Variants in PPP1R9A observed in about 807,000 individuals in gnomAD.
PPP1R9A encodes neurabin-1.
In PPP1R9A, 59 loss-of-function variants were observed where a neutral mutation model predicts 141.9. The observed-to-expected ratio is 0.42, with a 90% CI of 0.34 to 0.52. The LOEUF is 0.52. PPP1R9A is among the 20% of genes least tolerant of loss of function. The probability of loss-of-function intolerance (pLI) is 0.10; values close to 1 mark genes in which losing one functional copy is unlikely to be tolerated. For missense variants in PPP1R9A, 1,444 were observed against 1,611.9 expected (o/e 0.90, Z 1.78); for synonymous variants, 500 against 569.7 (o/e 0.88, Z 1.74).
intron 2 of PPP1R9A, among the ~76,000 whole-genome samples, chr7:94,969,581 G>T (rs1798630617): frequency 6.6e-6 from 1 of 152,056 alleles, no homozygotes; most frequent in South Asian, 2.1e-4. Context: ...GGTATCTGTC[G>T]ACCCCTGCTG....
At chr7:95,270,966 C>T (rs1802080672) in intron 14 of PPP1R9A, among the ~76,000 whole-genome samples, 1 of 152,058 alleles carries the variant, frequency 6.6e-6, no homozygotes, top group African/African-American at 2.4e-5. Flanking sequence ...AGAGAGATTG[C>T]GTCCAGCTGA....
intron 2 of PPP1R9A, among the ~76,000 whole-genome samples, chr7:95,072,871 A>G (rs540060813): frequency 1.8e-5 from 2 of 112,992 alleles, no homozygotes; most frequent in Non-Finnish European, 3.4e-5. Flanking sequence ...ATAATATAAT[A>G]TAATATTATA....
At chr7:95,152,540 T>C (rs1034711148) in intron 4 of PPP1R9A, among the ~76,000 whole-genome samples, 1 of 152,190 alleles carries the variant, frequency 6.6e-6, no homozygotes, top group African/African-American at 2.4e-5. Flanking sequence ...CCTCACTATG[T>C]ACGCTCAAGT....
At chr7:94,985,011 C>T (rs1255891888) in intron 2 of PPP1R9A, among the ~76,000 whole-genome samples, 6 of 152,022 alleles carry the variant, frequency 3.9e-5, no homozygotes, top group Non-Finnish European at 8.8e-5. Flanking sequence ...TAAATATGTC[C>T]CAGAAATTCT....
chr7:95,250,275 TAAAGA>T lies in PPP1R9A; in HGVS notation c.2396+22_2396+26del. On this transcript the variant is annotated intron_variant, in intron 10 of 19. Transcript: ENST00000433360. ...ACAAAAGTAAGCCGCTTCTAATAAC[TAAAGA>T]ATAGTTATGTTTGTCTAAAGAAGGT... 6.4e-7 allele frequency: 1 copy of T among 1,570,900 alleles called. No homozygotes were observed. The highest frequency in any genetic ancestry group is 8.7e-7 in the Non-Finnish European group (1 of 1,151,940).
chr7:95,118,985 C>CA (rs11353708), intron 3 of PPP1R9A, among the ~76,000 whole-genome samples: 16,537 of 129,064 alleles, frequency 0.13, 923 homozygotes, highest in East Asian at 0.19. Flanking sequence ...TTGTCTCAAA[C>CA]AAAAAAAAAA....
chr7:95,234,527 G>A (rs1013353180), intron 8 of PPP1R9A, among the ~76,000 whole-genome samples: 2 of 152,142 alleles, frequency 1.3e-5, no homozygotes, highest in African/African-American at 2.4e-5. Context: ...AGAAATCATA[G>A]ACGACACAAA....
chr7:95,272,363 G>A (rs997667433), intron 14 of PPP1R9A, among the ~76,000 whole-genome samples: 1 of 152,122 alleles, frequency 6.6e-6, no homozygotes, highest in Non-Finnish European at 1.5e-5. Context: ...AAATCCATTA[G>A]TAAAATCACC....
Position 95,198,459 on chromosome 7 carries a change from C to G in PPP1R9A, c.1865C>G (p.Ala622Gly). The G allele has an allele frequency of 6.2e-7, 1 of 1,601,362 alleles. No individual in the cohort carries two copies. Among genetic ancestry groups the G allele is most frequent in the Non-Finnish European group, 8.5e-7 (1 of 1,175,972 alleles). Reference sequence around the variant, plus strand: ...AGAGAGCTGCTGGAACAGCACTATGCCCAGTATGATGCCGACGATGACGAG... The same window carrying G: ...AGAGAGCTGCTGGAACAGCACTATGGCCAGTATGATGCCGACGATGACGAG... ...RQRELLEQHY[A>G]QYDADDDENT... The change falls in exon 6 of 20, where the codon GCC becomes GGC. Residue 622 changes from alanine to glycine, a missense_variant. By Grantham distance (60) the Ala-to-Gly change is moderately conservative (BLOSUM62 0). Coordinates refer to ENST00000433360, the MANE Select transcript of PPP1R9A (RefSeq NM_001166160.2).
At chr7:95,074,568 A>T (rs967404911) in intron 2 of PPP1R9A, among the ~76,000 whole-genome samples, 1 of 149,242 alleles carries the variant, frequency 6.7e-6, no homozygotes, top group Non-Finnish European at 1.5e-5. Context: ...TCTGCCTCCC[A>T]GGTTCAAGTG....
chr7:94,981,679 C>G (rs935354820), intron 2 of PPP1R9A, among the ~76,000 whole-genome samples: 10 of 152,122 alleles, frequency 6.6e-5, no homozygotes, highest in African/African-American at 2.4e-4. Flanking sequence ...ATTATACATA[C>G]ATATGTACAT....
chr7:95,186,184 G>A (rs1237674193), intron 5 of PPP1R9A, among the ~76,000 whole-genome samples: 1 of 152,018 alleles, frequency 6.6e-6, no homozygotes, highest in Non-Finnish European at 1.5e-5. Context: ...ATTCATTTGT[G>A]CCATCTATGA....
chr7:94,985,332 A>C (rs529807022), intron 2 of PPP1R9A, among the ~76,000 whole-genome samples: 16 of 152,178 alleles, frequency 1.1e-4, no homozygotes, highest in Non-Finnish European at 2.2e-4. Flanking sequence ...GTAGATGTCT[A>C]TTAGGTCTGC....
intron 2 of PPP1R9A, among the ~76,000 whole-genome samples, chr7:94,914,944 C>T (rs571843892): frequency 5.5e-4 from 83 of 152,248 alleles, no homozygotes; most frequent in African/African-American, 1.9e-3. Flanking sequence ...GTTGCTGCAG[C>T]CTCATTAAGG....
intron 2 of PPP1R9A, among the ~76,000 whole-genome samples, chr7:94,942,874 A>ATT (rs1168678040): frequency 2.0e-5 from 3 of 151,958 alleles, no homozygotes; most frequent in Non-Finnish European, 2.9e-5. Context: ...CCAACTGCTG[A>ATT]TTTAGAAAAT....
chr7:95,258,500 G>A (rs1009999475), intron 12 of PPP1R9A, among the ~76,000 whole-genome samples: 5 of 152,088 alleles, frequency 3.3e-5, no homozygotes, highest in African/African-American at 9.7e-5. Context: ...TCGTAAAAAG[G>A]TTGGATGAAT....
At chr7:95,234,817 G>A (rs1796455777) in intron 8 of PPP1R9A, among the ~76,000 whole-genome samples, 1 of 152,008 alleles carries the variant, frequency 6.6e-6, no homozygotes, top group Non-Finnish European at 1.5e-5. Flanking sequence ...ATAAAATTAA[G>A]CACATAGACC....
chr7:95,213,665 G>C (rs1056558859), intron 7 of PPP1R9A, among the ~76,000 whole-genome samples: 1 of 152,070 alleles, frequency 6.6e-6, no homozygotes, highest in East Asian at 1.9e-4. Context: ...CATTCTTCTG[G>C]CAGTTCCATG....
chr7:95,237,026 T>A (rs1796777775), intron 8 of PPP1R9A, among the ~76,000 whole-genome samples: 1 of 151,750 alleles, frequency 6.6e-6, no homozygotes, highest in South Asian at 2.1e-4. Flanking sequence ...ATATTCCATA[T>A]AATAGCTATT....
Sources: allele counts gnomAD v4.1 joint callset (sites outside exome capture counted in the v4.1 genomes callset), GRCh38; gene constraint gnomAD v4.1.1; transcripts MANE v1.5; gene names NCBI Gene and HGNC (gene_info 2026-07-23, HGNC 2026-07-21).